STPG2: variants seen among roughly 807,000 people sequenced by gnomAD.
The protein encoded by STPG2 is sperm tail PG-rich repeat containing 2, also known as sperm-tail PG-rich repeat-containing protein 2.
STPG2 carries 56 observed loss-of-function variants against 54.2 expected under a neutral mutation model. The ratio of observed to expected loss-of-function variants is 1.03; its 90% confidence interval spans 0.83 to 1.29. STPG2 has a LOEUF of 1.29. Among genes scored for constraint, STPG2 ranks in the 50% most tolerant of loss-of-function variants. The pLI is 0.00. For synonymous variants in STPG2, 200 were observed against 181.8 expected (o/e 1.10, Z -0.81); for missense variants, 596 against 544.9 (o/e 1.09, Z -0.93).
chr4:97,947,275 T>C (rs368262655), intron 7 of STPG2, among the ~76,000 whole-genome samples: 2 of 152,234 alleles, frequency 1.3e-5, no homozygotes, highest in African/African-American at 4.8e-5. Flanking sequence ...TCTAATCTTA[T>C]CTCTAGGCTT....
At chr4:98,050,529 C>A (rs1416071277) in intron 5 of STPG2, among the ~76,000 whole-genome samples, 1 of 152,100 alleles carries the variant, frequency 6.6e-6, no homozygotes, top group Admixed American at 6.6e-5. Context: ...GAGAAGGCAT[C>A]TGACAGAGAG....
intron 4 of STPG2, among the ~76,000 whole-genome samples, chr4:97,453,333 G>A (rs1729426984): frequency 6.6e-6 from 1 of 152,186 alleles, no homozygotes; most frequent in African/African-American, 2.4e-5. Flanking sequence ...TGCAGTATCT[G>A]GACCCCACAC....
chr4:97,779,262 G>A (rs1726508288), intron 9 of STPG2, among the ~76,000 whole-genome samples: 1 of 152,164 alleles, frequency 6.6e-6, no homozygotes, highest in South Asian at 2.1e-4. Flanking sequence ...TGAAAGCCAT[G>A]GCATGAGAAC....
chr4:97,986,634 T>C (rs1033439495), intron 5 of STPG2, among the ~76,000 whole-genome samples: 5 of 152,236 alleles, frequency 3.3e-5, no homozygotes, highest in African/African-American at 7.2e-5. Context: ...TGAACATTCA[T>C]ATATGCAAAT....
At chr4:97,918,444 C>A (rs933484134) in intron 8 of STPG2, among the ~76,000 whole-genome samples, 1 of 152,104 alleles carries the variant, frequency 6.6e-6, no homozygotes, top group Non-Finnish European at 1.5e-5. Context: ...ATTACTTTCA[C>A]ACACACATAC....
chr4:97,763,866 G>A (rs1333708633), intron 9 of STPG2, among the ~76,000 whole-genome samples: 2 of 152,076 alleles, frequency 1.3e-5, no homozygotes, highest in African/African-American at 4.8e-5. Context: ...ACTCTAAGAT[G>A]ATAATATCAG....
chr4:97,609,671 G>T (rs1202780488), intron 10 of STPG2, among the ~76,000 whole-genome samples: 1 of 151,786 alleles, frequency 6.6e-6, no homozygotes, highest in Non-Finnish European at 1.5e-5. Context: ...TATAAAAAGT[G>T]CTTCTAATAA....
intron 10 of STPG2, among the ~76,000 whole-genome samples, chr4:97,648,192 TCAA>T (rs1424198922): frequency 6.6e-6 from 1 of 152,106 alleles, no homozygotes; most frequent in African/African-American, 2.4e-5. Flanking sequence ...TAGACATATT[TCAA>T]CAACAGGTAA....
At chr4:97,737,189 T>C (rs1328679049) in intron 9 of STPG2, among the ~76,000 whole-genome samples, 1 of 152,080 alleles carries the variant, frequency 6.6e-6, no homozygotes, top group Non-Finnish European at 1.5e-5. Flanking sequence ...AGAAAGGACA[T>C]CCACACCAAA....
chr4:97,859,907 TA>T (rs1729462774), intron 8 of STPG2, among the ~76,000 whole-genome samples: 1 of 152,226 alleles, frequency 6.6e-6, no homozygotes, highest in African/African-American at 2.4e-5. Context: ...TTGTATAAGG[TA>T]AGAGATGAAG....
intron 10 of STPG2, among the ~76,000 whole-genome samples, chr4:97,706,958 G>A (rs1478696236): frequency 1.3e-5 from 2 of 152,120 alleles, no homozygotes; most frequent in East Asian, 1.9e-4. Flanking sequence ...TAGATGAGAC[G>A]ATAGGCAAAA....
In STPG2 at chr4:97,626,987, G is replaced by T. The variant is rs549748114; in HGVS notation, c.1321-67870C>A. Among the ~76,000 whole-genome samples the T allele has an allele frequency of 3.9e-5, 6 of 151,992 alleles. No homozygotes were observed. In the South Asian group the frequency reaches 8.3e-4, roughly 21 times the overall value. On this transcript the variant is annotated intron_variant, in intron 10 of 10. Coordinates refer to ENST00000295268, the MANE Select transcript of STPG2 (RefSeq NM_174952.3). ...TCATCTTCAAATAATACCAGTTGTT[G>T]ACTTATTCTTTCATTTTATTAATTT...
At position 98,072,280 on chromosome 4, in the gene STPG2, C is replaced by A. The variant is rs982435028; in HGVS notation, c.612+33673G>T. 3.9e-5 allele frequency among the ~76,000 whole-genome samples: 6 copies of A among 152,138 alleles called. No individual in the cohort carries two copies. The South Asian group carries it at 1.0e-3, about 26-fold the overall frequency. On this transcript the variant is annotated intron_variant, in intron 5 of 10. Transcript: ENST00000295268. ...TGCGGGACATGAATGGAGCTGGAAG[C>A]CATTATTCTCAGCAAACTAACACAA... is the stretch of plus-strand genomic sequence containing the variant.
At chr4:97,880,241 T>TA (rs1242747341) in intron 8 of STPG2, among the ~76,000 whole-genome samples, 2 of 152,166 alleles carry the variant, frequency 1.3e-5, no homozygotes, top group Non-Finnish European at 2.9e-5. Flanking sequence ...ATGTGAAATA[T>TA]AAAAAAGATC....
At chr4:98,018,350 T>A (rs1316162320) in intron 5 of STPG2, among the ~76,000 whole-genome samples, 1 of 152,242 alleles carries the variant, frequency 6.6e-6, no homozygotes, top group East Asian at 1.9e-4. Flanking sequence ...CATGAACTCA[T>A]CATTTTTTAT....
At chr4:98,040,498 T>C (rs1376327792) in intron 5 of STPG2, among the ~76,000 whole-genome samples, 1 of 151,832 alleles carries the variant, frequency 6.6e-6, no homozygotes, top group Non-Finnish European at 1.5e-5. Flanking sequence ...TTTTTTTATA[T>C]GGTGAGAGAT....
chr4:97,748,031 C>T (rs1725474504), intron 9 of STPG2, among the ~76,000 whole-genome samples: 1 of 151,398 alleles, frequency 6.6e-6, no homozygotes, highest in Non-Finnish European at 1.5e-5. Flanking sequence ...TAAGTCCTCC[C>T]CATTTCTACA....
chr4:97,492,092 A>G (rs1178175108), intron 4 of STPG2, among the ~76,000 whole-genome samples: 1 of 151,552 alleles, frequency 6.6e-6, no homozygotes, highest in African/African-American at 2.4e-5. Flanking sequence ...GTGCACACCT[A>G]GATGGTCATC....
chr4:97,456,891 CAAAAAAAAAAAAAAGAAAATT>C (rs1235234229), intron 4 of STPG2, among the ~76,000 whole-genome samples: 46 of 48,894 alleles, frequency 9.4e-4, no homozygotes, highest in Admixed American at 1.8e-3. Context: ...TGCTCCGTCT[CAAAAAAAAAAAAAAGAAAATT>C]AAAAAAAAAA....
Sources: gnomAD v4.1 joint callset for allele counts (sites outside exome capture counted in the v4.1 genomes callset) on GRCh38, gnomAD v4.1.1 for gene constraint, MANE v1.5 for transcripts, NCBI Gene and HGNC (gene_info 2026-07-23, HGNC 2026-07-21) for gene names.